The following ZNRF3 variants were observed in gnomAD, a reference collection of about 807,000 sequenced individuals.
ZNRF3 encodes E3 ubiquitin-protein ligase ZNRF3.
In ZNRF3, 23 loss-of-function variants were observed where a neutral mutation model predicts 72.5. The ratio of observed to expected loss-of-function variants is 0.32; its 90% confidence interval spans 0.23 to 0.45. The LOEUF is 0.45. Among genes scored for constraint, ZNRF3 ranks in the 20% least tolerant of loss-of-function variants. The probability of loss-of-function intolerance (pLI) is 1.00; values close to 1 mark genes in which losing one functional copy is unlikely to be tolerated. For synonymous variants in ZNRF3, 610 were observed against 545.3 expected (o/e 1.12, Z -1.65); for missense variants, 1,169 against 1,272.1 (o/e 0.92, Z 1.23).
At chr22:28,892,895 C>T (rs1322222766) in intron 1 of ZNRF3, among the ~76,000 whole-genome samples, 3 of 152,136 alleles carry the variant, frequency 2.0e-5, no homozygotes, top group East Asian at 1.9e-4. Context: ...AGAGCCGGCG[C>T]GGTGGCTCAT....
intron 2 of ZNRF3, among the ~76,000 whole-genome samples, chr22:28,993,942 G>A (rs2036000378): frequency 6.6e-6 from 1 of 152,098 alleles, no homozygotes; most frequent in Admixed American, 6.6e-5. Context: ...CAAAGTGCTG[G>A]GATTACAGGC....
intron 1 of ZNRF3, among the ~76,000 whole-genome samples, chr22:28,908,688 A>G (rs1025198671): frequency 6.6e-6 from 1 of 152,168 alleles, no homozygotes; most frequent in African/African-American, 2.4e-5. Flanking sequence ...GGATTGCTGG[A>G]TGCGCGGTCA....
intron 1 of ZNRF3, among the ~76,000 whole-genome samples, chr22:28,923,060 G>C (rs1408301459): frequency 6.6e-6 from 1 of 152,154 alleles, no homozygotes; most frequent in Non-Finnish European, 1.5e-5. Context: ...CCATATGTTG[G>C]TGTTGGGAGT....
chr22:29,050,581 G>A lies in ZNRF3; in HGVS notation c.2400G>A (p.Glu800=), dbSNP rs754350549. 7.5e-6 allele frequency: 12 copies of A among 1,608,262 alleles called. No individual in the cohort carries two copies. Among genetic ancestry groups the A allele is most frequent in the Non-Finnish European group, 4.2e-6 (5 of 1,177,862 alleles). ...GGGGGSGCYT[E]DYSVSVQYTL... is the part of the protein sequence containing the mutation. ...GAGGGGGCAGCGGCTGCTACACTGA[G>A]GACTACTCGGTGAGTGTGCAGTACA... Residue 800 remains glutamate, a synonymous_variant, in exon 8 of 9, where the codon GAG becomes GAA. Transcript: ENST00000544604.
intron 1 of ZNRF3, among the ~76,000 whole-genome samples, chr22:28,939,846 C>T (rs1255624984): frequency 6.6e-6 from 1 of 152,124 alleles, no homozygotes; most frequent in Non-Finnish European, 1.5e-5. Context: ...TTCCAACCAT[C>T]CTTCCCCCAC....
intron 1 of ZNRF3, among the ~76,000 whole-genome samples, chr22:28,890,723 C>T (rs1194653330): frequency 1.3e-5 from 2 of 151,890 alleles, no homozygotes; most frequent in Admixed American, 1.3e-4. Flanking sequence ...AAATATATGC[C>T]ATGTGAAAAA....
At chr22:28,959,832 A>G (rs1024281953) in intron 1 of ZNRF3, among the ~76,000 whole-genome samples, 1 of 152,204 alleles carries the variant, frequency 6.6e-6, no homozygotes, top group Non-Finnish European at 1.5e-5. Context: ...CCTTGTATGC[A>G]CAAAGAACAG....
intron 1 of ZNRF3, among the ~76,000 whole-genome samples, chr22:28,921,680 G>A (rs910747444): frequency 6.6e-6 from 1 of 152,148 alleles, no homozygotes; most frequent in African/African-American, 2.4e-5. Flanking sequence ...GTTCACTGAG[G>A]TCAACAGCAT....
At chr22:28,931,442 T>C (rs956932243) in intron 1 of ZNRF3, among the ~76,000 whole-genome samples, 4 of 152,210 alleles carry the variant, frequency 2.6e-5, no homozygotes, top group African/African-American at 9.7e-5. Context: ...GATGTTACTT[T>C]GGGAGTACTT....
chr22:28,884,119 G>C, intron 1 of ZNRF3, 53 bp downstream of exon 1: 1 of 1,071,278 alleles, frequency 9.3e-7, no homozygotes, highest in Non-Finnish European at 1.1e-6. Flanking sequence ...GATGGCTCCG[G>C]GGGCTGCGCC....
chr22:29,007,975 C>T (rs1442465041), intron 2 of ZNRF3, among the ~76,000 whole-genome samples: 4 of 151,908 alleles, frequency 2.6e-5, no homozygotes, highest in Admixed American at 6.6e-5. Flanking sequence ...AGGCTGGTCT[C>T]GAACTCCCAA....
In ZNRF3 at chr22:29,050,071, C is replaced by G. The variant is rs200059655; in HGVS notation, c.1890C>G (p.Pro630=). ...PALCFEGSPP[P]EELPAVHSHG... ...TGTGCTTCGAGGGCTCCCCGCCTCC[C>G]GAGGAGCTCCCGGCGGTGCACAGTC... The change falls in exon 8 of 9, where the codon CCC becomes CCG. Residue 630 remains proline (P), a synonymous_variant. Transcript: ENST00000544604. 6.2e-6 allele frequency: 10 copies of G among 1,607,206 alleles called. No homozygotes were observed. The highest frequency in any genetic ancestry group is 3.3e-5 in the Admixed American group (2 of 59,748).
chr22:29,037,068 G>C (rs2036879453), intron 2 of ZNRF3, among the ~76,000 whole-genome samples: 1 of 152,164 alleles, frequency 6.6e-6, no homozygotes, highest in Non-Finnish European at 1.5e-5. Context: ...CATCTTTTGG[G>C]TTATTTCCTA....
rs537301866 is a variant in ZNRF3 at position 29,053,343 on chromosome 22, T to C, written c.2768-236T>C. 7.2e-5 allele frequency among the ~76,000 whole-genome samples: 11 copies of C among 152,322 alleles called. No individual in the cohort carries two copies. In the East Asian group the frequency reaches 1.3e-3, roughly 19 times the overall value. The stretch of plus-strand genomic sequence containing the variant: ...GTTAACATCTTTAATATATTGGGCT[T>C]TCGTGCTACCTGAGGGCTTCTAGAA... On this transcript the variant is annotated intron_variant, in intron 8 of 8. Coordinates refer to ENST00000544604, the MANE Select transcript of ZNRF3 (RefSeq NM_001206998.2).
At chr22:28,900,517 G>C (rs1305089604) in intron 1 of ZNRF3, among the ~76,000 whole-genome samples, 1 of 152,230 alleles carries the variant, frequency 6.6e-6, no homozygotes, top group Admixed American at 6.5e-5. Flanking sequence ...GAATGGCAGA[G>C]TGGGATGTGA....
At chr22:28,942,941 G>C (rs1380660563) in intron 1 of ZNRF3, among the ~76,000 whole-genome samples, 1 of 152,096 alleles carries the variant, frequency 6.6e-6, no homozygotes, top group Admixed American at 6.5e-5. Context: ...TGTCCTTAAA[G>C]CTGGTACTTT....
In ZNRF3 at chr22:28,976,357, A is replaced by G. The variant is rs534312853; in HGVS notation, c.301-10719A>G. Reference sequence around the variant, plus strand: ...GACAACATAGTGAGACCCTGTCTCTACTAAAAATACAAAAATTAGCTGGGC... The same window carrying G: ...GACAACATAGTGAGACCCTGTCTCTGCTAAAAATACAAAAATTAGCTGGGC... On this transcript the variant is annotated intron_variant, in intron 1 of 8. Coordinates refer to ENST00000544604, the MANE Select transcript of ZNRF3 (RefSeq NM_001206998.2). Among the ~76,000 whole-genome samples the G allele has an allele frequency of 4.6e-5, 7 of 152,248 alleles. No individual in the cohort carries two copies. The South Asian group carries it at 1.5e-3, about 32-fold the overall frequency.
At chr22:28,980,248 T>A (rs1278577395) in intron 1 of ZNRF3, among the ~76,000 whole-genome samples, 1 of 152,108 alleles carries the variant, frequency 6.6e-6, no homozygotes, top group Non-Finnish European at 1.5e-5. Context: ...GGGAATGGAT[T>A]ATGGGAAATT....
At chr22:28,896,210 C>T (rs1192120776) in intron 1 of ZNRF3, among the ~76,000 whole-genome samples, 6 of 152,244 alleles carry the variant, frequency 3.9e-5, no homozygotes, top group Non-Finnish European at 8.8e-5. Context: ...TCTTGGCTCA[C>T]TGCAACCTCC....
Sources: allele counts gnomAD v4.1 joint callset (sites outside exome capture counted in the v4.1 genomes callset), GRCh38; gene constraint gnomAD v4.1.1; transcripts MANE v1.5; gene names NCBI Gene and HGNC (gene_info 2026-07-23, HGNC 2026-07-21).